SHISA9: variants seen among roughly 807,000 people sequenced by gnomAD.
SHISA9 encodes the protein shisa family member 9.
Under a neutral mutation model 38.0 loss-of-function variants are expected in SHISA9, and 13 were observed. That is an observed-to-expected ratio of 0.34 (90% CI 0.22 to 0.54). The LOEUF (loss-of-function observed/expected upper bound fraction) is 0.54, where lower values mean the gene tolerates loss of function less well. SHISA9 is among the 20% of genes least tolerant of loss of function. SHISA9 has a pLI of 0.91. For synonymous variants in SHISA9, 275 were observed against 242.0 expected, an observed-to-expected ratio of 1.14 and a Z score of -1.27; for missense variants, 538 against 575.8, an observed-to-expected ratio of 0.93 and a Z score of 0.67.
At chr16:13,200,472 T>C (rs1412765943) in intron 2 of SHISA9, among the ~76,000 whole-genome samples, 1 of 143,198 alleles carries the variant, frequency 7.0e-6, no homozygotes, top group Non-Finnish European at 1.5e-5. Context: ...CAGCATACAA[T>C]GAGAACTTAA....
the SHISA9 span, among the ~76,000 whole-genome samples, chr16:13,437,653 C>G: frequency 6.6e-6 from 1 of 152,110 alleles, no homozygotes; most frequent in Non-Finnish European, 1.5e-5. Context: ...GCAATTCCCT[C>G]TGCTGTGAAC....
Position 13,237,750 on chromosome 16 carries a change from G to A in SHISA9, c.*2341G>A, listed in dbSNP as rs1424041698. On this transcript the variant is annotated 3_prime_UTR_variant, in exon 5 of 5. Coordinates refer to ENST00000558583, the MANE Select transcript of SHISA9 (RefSeq NM_001145204.3). ...AAAGGTACCATGCTGTACAAAGCTG[G>A]GGTCAGAGATTTAGTGCCCACCTTC... is the stretch of plus-strand genomic sequence containing the variant. The A allele has an allele frequency of 6.6e-6, 1 of 152,006 alleles. No homozygotes were observed. The highest frequency in any genetic ancestry group is 1.5e-5 in the Non-Finnish European group (1 of 67,996). 9.4% of individuals were successfully genotyped at this position (152,006 alleles called of 1,614,324 possible). A position where few individuals can be genotyped will look rare whatever the true frequency, so the allele number is the denominator to read the frequency against.
At chr16:13,103,708 G>C (rs1278143736) in intron 2 of SHISA9, among the ~76,000 whole-genome samples, 1 of 152,230 alleles carries the variant, frequency 6.6e-6, no homozygotes, top group Non-Finnish European at 1.5e-5. Context: ...TTGTGGTGGG[G>C]TTATTTCACC....
intron 2 of SHISA9, among the ~76,000 whole-genome samples, chr16:13,196,059 G>T (rs2050935795): frequency 8.4e-6 from 1 of 118,608 alleles, no homozygotes; most frequent in African/African-American, 3.3e-5. Flanking sequence ...CTGCACTCCA[G>T]CCTGGGGGAC....
At chr16:13,209,669 T>C (rs2051099408) in intron 3 of SHISA9, among the ~76,000 whole-genome samples, 1 of 152,236 alleles carries the variant, frequency 6.6e-6, no homozygotes, top group South Asian at 2.1e-4. Context: ...GGTCTTGTTA[T>C]AGACCGAGCC....
At chr16:13,317,418 T>G in the SHISA9 span, among the ~76,000 whole-genome samples, 1 of 151,886 alleles carries the variant, frequency 6.6e-6, no homozygotes, top group Non-Finnish European at 1.5e-5. Flanking sequence ...AGGCAAAGAG[T>G]TCAGGCTTTG....
the SHISA9 span, among the ~76,000 whole-genome samples, chr16:13,478,714 T>G: frequency 0.22 from 33,587 of 152,192 alleles, 3,831 homozygotes; most frequent in South Asian, 0.26. Flanking sequence ...TTCATCTTCT[T>G]ACATGAGTAT....
chr16:13,365,373 G>A, the SHISA9 span, among the ~76,000 whole-genome samples: 15 of 152,042 alleles, frequency 9.9e-5, no homozygotes, highest in Admixed American at 9.2e-4. Flanking sequence ...AACATTTATT[G>A]GACATGTGAT....
chr16:13,191,203 C>G (rs1042114974), intron 2 of SHISA9, among the ~76,000 whole-genome samples: 1 of 152,216 alleles, frequency 6.6e-6, no homozygotes. Context: ...AGCCAGAGCT[C>G]TGTTCTGATT....
chr16:13,337,663 G>C, the SHISA9 span, among the ~76,000 whole-genome samples: 1 of 152,146 alleles, frequency 6.6e-6, no homozygotes, highest in African/African-American at 2.4e-5. Context: ...TTTTCATGTG[G>C]TTTGGCTCTG....
chr16:13,167,074 T>A (rs1338479176), intron 2 of SHISA9, among the ~76,000 whole-genome samples: 1 of 143,908 alleles, frequency 6.9e-6, no homozygotes. Flanking sequence ...TCTTTTTTCT[T>A]TTTTTTTTTT....
chr16:12,953,449 G>A (rs2071787063), intron 2 of SHISA9, among the ~76,000 whole-genome samples: 1 of 152,134 alleles, frequency 6.6e-6, no homozygotes, highest in South Asian at 2.1e-4. Flanking sequence ...GTGCTAGGAT[G>A]GACTTTGAAG....
At chr16:13,518,743 T>A in the SHISA9 span, among the ~76,000 whole-genome samples, 1 of 152,198 alleles carries the variant, frequency 6.6e-6, no homozygotes, top group Non-Finnish European at 1.5e-5. Flanking sequence ...CCAGTTTATG[T>A]TGCTATAGCA....
At chr16:13,445,580 C>G in the SHISA9 span, among the ~76,000 whole-genome samples, 1 of 152,152 alleles carries the variant, frequency 6.6e-6, no homozygotes, top group Non-Finnish European at 1.5e-5. Context: ...ACTACCCTTT[C>G]CTTTGAAATG....
chr16:13,127,344 AGGG>A (rs2050270194), intron 2 of SHISA9, among the ~76,000 whole-genome samples: 1 of 120,198 alleles, frequency 8.3e-6, no homozygotes, highest in Non-Finnish European at 1.7e-5. Context: ...TGAGAGAGTG[AGGG>A]AGGGAGAAGG....
intron 2 of SHISA9, among the ~76,000 whole-genome samples, chr16:13,104,139 G>A (rs767413018): frequency 2.6e-4 from 40 of 152,016 alleles, no homozygotes; most frequent in Non-Finnish European, 5.7e-4. Flanking sequence ...GCCCTCATAC[G>A]GTTGTCTAAG....
chr16:13,300,055 G>A, the SHISA9 span, among the ~76,000 whole-genome samples: 1 of 152,060 alleles, frequency 6.6e-6, no homozygotes, highest in Non-Finnish European at 1.5e-5. Flanking sequence ...TTTCAAAGTA[G>A]CCCAGCTGTT....
chr16:13,069,369 C>T (rs59003315), intron 2 of SHISA9, among the ~76,000 whole-genome samples: 5 of 142,534 alleles, frequency 3.5e-5, no homozygotes, highest in East Asian at 2.2e-4. Context: ...TGCATGTGTA[C>T]GTGTGTGTAC....
At chr16:13,334,977 C>A in the SHISA9 span, among the ~76,000 whole-genome samples, 1 of 152,170 alleles carries the variant, frequency 6.6e-6, no homozygotes, top group Non-Finnish European at 1.5e-5. Context: ...ATTCTAGAGA[C>A]AAGGTAACTC....
Sources: allele counts gnomAD v4.1 joint callset (sites outside exome capture counted in the v4.1 genomes callset), GRCh38; gene constraint gnomAD v4.1.1; transcripts MANE v1.5; gene names NCBI Gene and HGNC (gene_info 2026-07-23, HGNC 2026-07-21).